USO1: variants seen among roughly 807,000 people sequenced by gnomAD.
USO1 encodes USO1 vesicle transport factor.
Under a neutral mutation model 124.5 loss-of-function variants are expected in USO1, and 57 were observed. The observed-to-expected ratio is 0.46, with a 90% CI of 0.37 to 0.57. USO1 has a LOEUF of 0.57. USO1 is among the 20% of genes least tolerant of loss of function. The probability of loss-of-function intolerance (pLI) is 0.00; values close to 1 mark genes in which losing one functional copy is unlikely to be tolerated. For synonymous variants in USO1, 369 were observed against 362.8 expected, an observed-to-expected ratio of 1.02 and a Z score of -0.19; for missense variants, 900 against 1,040.6, an observed-to-expected ratio of 0.86 and a Z score of 1.86.
chr4:75,798,523 C>T (rs1403348212), intron 13 of USO1, among the ~76,000 whole-genome samples: 1 of 152,154 alleles, frequency 6.6e-6, no homozygotes, highest in Non-Finnish European at 1.5e-5. Flanking sequence ...AAAAATAATG[C>T]ATCATGTAAA....
In USO1 at chr4:75,790,256, C is replaced by G; in HGVS notation, c.1085+18C>G. On this transcript the variant is annotated intron_variant, in intron 11 of 23. Transcript: ENST00000514213. ...CCACCAAGGTAGAAAAAGGGAAATA[C>G]TGAGATTACTCTGAGGAAGTAAAAA... 6.3e-7 allele frequency: 1 copy of G among 1,575,382 alleles called. No individual in the cohort carries two copies. Among genetic ancestry groups the G allele is most frequent in the Non-Finnish European group, 8.6e-7 (1 of 1,159,366 alleles).
chr4:75,744,721 C>T (rs964923078), intron 1 of USO1, among the ~76,000 whole-genome samples: 1 of 152,308 alleles, frequency 6.6e-6, no homozygotes, highest in East Asian at 1.9e-4. Context: ...CGCCCAGCCC[C>T]TATCCTTTTT....
At chr4:75,806,635 C>T (rs1577975379) in intron 20 of USO1, 63 bp downstream of exon 20, 2 of 1,513,478 alleles carry the variant, frequency 1.3e-6, no homozygotes, top group East Asian at 4.9e-5. Context: ...AATAACAGCC[C>T]TATAGTTTCA....
chr4:75,732,658 C>G (rs1344696320), intron 1 of USO1, among the ~76,000 whole-genome samples: 1 of 149,388 alleles, frequency 6.7e-6, no homozygotes, highest in Non-Finnish European at 1.5e-5. Flanking sequence ...GCGGGCAGAT[C>G]ACGAGGTGAG....
intron 5 of USO1, 131 bp downstream of exon 5, chr4:75,770,670 A>T (rs1381913310): frequency 1.1e-5 from 16 of 1,450,514 alleles, no homozygotes; most frequent in Middle Eastern, 1.8e-4. Flanking sequence ...CAAGAGATCC[A>T]CATGGATGTT....
chr4:75,769,739 TC>T (rs1383571960), intron 4 of USO1, among the ~76,000 whole-genome samples: 3 of 110,132 alleles, frequency 2.7e-5, no homozygotes, highest in East Asian at 4.2e-4. Flanking sequence ...TTTTTAGTGA[TC>T]TTTTTTTTTT....
At chr4:75,730,274 T>C (rs1720591722) in intron 1 of USO1, among the ~76,000 whole-genome samples, 1 of 152,172 alleles carries the variant, frequency 6.6e-6, no homozygotes, top group Admixed American at 6.5e-5. Context: ...TTCAAAAAAT[T>C]TGAATAGATG....
Position 75,793,623 on chromosome 4 carries a change from A to G in USO1, c.1241-67A>G, listed in dbSNP as rs540759653. ...CACTATTTTATGTGTACAGAAAACA[A>G]TTTATTTAAAATTTGGTTTACGTCA... On this transcript the variant is annotated intron_variant, in intron 12 of 23. Coordinates refer to ENST00000514213, the MANE Select transcript of USO1 (RefSeq NM_003715.4). 33 of 1,537,946 alleles carry G rather than the reference A, an allele frequency of 2.1e-5. No individual in the cohort carries two copies. In the African/African-American group the frequency reaches 2.9e-4, roughly 13 times the overall value.
chr4:75,766,980 A>AC (rs1721783756), intron 4 of USO1, among the ~76,000 whole-genome samples: 6 of 152,232 alleles, frequency 3.9e-5, no homozygotes, highest in Non-Finnish European at 5.9e-5. Context: ...CTTGAAGTTC[A>AC]GAGGGGATTC....
chr4:75,733,616 T>C (rs1439599484), intron 1 of USO1, among the ~76,000 whole-genome samples: 2 of 152,230 alleles, frequency 1.3e-5, no homozygotes, highest in Non-Finnish European at 2.9e-5. Context: ...CCTATGTATA[T>C]GTATTGTTTG....
Position 75,770,825 on chromosome 4 carries a change from T to C in USO1, c.400T>C (p.Phe134Leu), listed in dbSNP as rs1577950315. The C allele has an allele frequency of 6.2e-7, 1 of 1,606,768 alleles. No individual in the cohort carries two copies. The highest frequency in any genetic ancestry group is 1.1e-5 in the South Asian group (1 of 89,122). ...ATTTTGAATTCTTACATTGCAGGAG[T>C]TTGATTTCCATGTCCGCTGGCCTGG... ...VTLLLSLLEE[F>L]DFHVRWPGVK... is the part of the protein sequence containing the mutation. Residue 134 changes from phenylalanine (F) to leucine (L), a missense_variant, in exon 6 of 24, where the codon TTT becomes CTT. Physicochemically the swap from Phe to Leu is conservative, Grantham distance 22. Coordinates refer to ENST00000514213, the MANE Select transcript of USO1 (RefSeq NM_003715.4).
chr4:75,729,579 A>C (rs1720571517), intron 1 of USO1, among the ~76,000 whole-genome samples: 1 of 151,920 alleles, frequency 6.6e-6, no homozygotes, highest in South Asian at 2.1e-4. Context: ...GAGCTCAGGC[A>C]GTCTGCCCGC....
rs560470072 is a variant in USO1, at chr4:75,786,775, G to A, written c.856-287G>A. 1.3e-3 allele frequency among the ~76,000 whole-genome samples: 201 copies of A among 152,234 alleles called. 1 individual carries two copies. Among genetic ancestry groups the A allele is most frequent in the African/African-American group, 4.7e-3 (196 of 41,544 alleles). ...ATTCATTCATTTACTTATTAAATAT[G>A]TACTGTTACAAGTACTATGCTTCTT... On this transcript the variant is annotated intron_variant, in intron 9 of 23. Transcript: ENST00000514213.
Position 75,724,787 on chromosome 4 carries a change from A to C in USO1, c.-33A>C. 6.2e-7 allele frequency: 1 copy of C among 1,610,396 alleles called. No homozygotes were observed. ...GGAAGTTGTCTTCTTTTTTTTCCGG[A>C]GGGGCCGGTAAACCTGGTGGCTGAA... is the stretch of plus-strand genomic sequence containing the variant. On this transcript the variant is annotated 5_prime_UTR_variant, in exon 1 of 24. Coordinates refer to ENST00000514213, the MANE Select transcript of USO1 (RefSeq NM_003715.4).
intron 1 of USO1, among the ~76,000 whole-genome samples, chr4:75,727,814 T>C (rs1720507195): frequency 6.6e-6 from 1 of 152,186 alleles, no homozygotes; most frequent in African/African-American, 2.4e-5. Context: ...TTGTCTGAAT[T>C]AGACCTGTTA....
intron 1 of USO1, among the ~76,000 whole-genome samples, chr4:75,732,565 A>T (rs959870002): frequency 2.6e-5 from 4 of 152,160 alleles, no homozygotes; most frequent in African/African-American, 9.7e-5. Context: ...ATTAGCATGG[A>T]TTATTTTAGT....
chr4:75,738,704 C>T (rs1720866083), intron 1 of USO1, among the ~76,000 whole-genome samples: 1 of 151,934 alleles, frequency 6.6e-6, no homozygotes, highest in Non-Finnish European at 1.5e-5. Context: ...TGTTCTTGAA[C>T]TCCTGGGCTC....
chr4:75,790,236 A>G lies in USO1; in HGVS notation c.1083A>G (p.Pro361=), dbSNP rs1473804481. ...CTGTAAATGCACCTTCAAACCCACCAAGGTAGAAAAAGGGAAATACTGAGA... is the reference window on the plus strand; with the variant it reads ...CTGTAAATGCACCTTCAAACCCACCGAGGTAGAAAAAGGGAAATACTGAGA... The part of the protein sequence containing the change: ...FASVNAPSNP[P]RPAIVVLLMS... Residue 361 remains proline (P), a splice_region_variant and synonymous_variant, in exon 11 of 24, where the codon CCA becomes CCG. Transcript: ENST00000514213. The G allele has an allele frequency of 1.2e-5, 19 of 1,589,268 alleles. No homozygotes were observed. The highest frequency in any genetic ancestry group is 1.6e-5 in the Non-Finnish European group (19 of 1,166,926).
At chr4:75,806,904 C>T (rs1577975515) in intron 20 of USO1, among the ~76,000 whole-genome samples, 1 of 151,978 alleles carries the variant, frequency 6.6e-6, no homozygotes, top group East Asian at 1.9e-4. Context: ...TTTTAATATA[C>T]TATGATAATT....
Sources: allele counts gnomAD v4.1 joint callset (sites outside exome capture counted in the v4.1 genomes callset), GRCh38; gene constraint gnomAD v4.1.1; transcripts MANE v1.5; gene names NCBI Gene and HGNC (gene_info 2026-07-23, HGNC 2026-07-21).